ARSG: variants seen among roughly 807,000 people sequenced by gnomAD.
ARSG encodes the protein ASG.
ARSG carries 37 observed loss-of-function variants against 50.5 expected under a neutral mutation model. That is an observed-to-expected ratio of 0.73 (90% CI 0.56 to 0.96). The LOEUF is 0.96. ARSG is among the 50% of genes least tolerant of loss of function. The pLI is 0.00. For synonymous variants in ARSG, 225 were observed against 254.6 expected (o/e 0.88, Z 1.11); for missense variants, 629 against 675.3 (o/e 0.93, Z 0.76).
intron 4 of ARSG, among the ~76,000 whole-genome samples, chr17:68,350,031 T>A (rs2078688223): frequency 6.6e-6 from 1 of 152,048 alleles, no homozygotes; most frequent in African/African-American, 2.4e-5. Context: ...TAGGCTACAC[T>A]AGGAGAATGG....
intron 1 of ARSG, among the ~76,000 whole-genome samples, chr17:68,263,281 A>G (rs2075101902): frequency 6.6e-6 from 1 of 152,174 alleles, no homozygotes. Flanking sequence ...TTCCTTACTT[A>G]TGCAACGGCG....
In ARSG at chr17:68,271,158, A is replaced by G. The variant is rs781826132; in HGVS notation, c.-552+11732A>G. ...CGAAAACTTCTGCAATGGCCATCGTAGATAATAAAAAAGCAGCGCGGTCCT... is the reference window on the plus strand; with the variant it reads ...CGAAAACTTCTGCAATGGCCATCGTGGATAATAAAAAAGCAGCGCGGTCCT... On this transcript the variant is annotated intron_variant, in intron 1 of 11. Coordinates refer to the ARSG transcript ENST00000448504. This position sits in a 1 kb window ranked among gnomAD's most constrained non-coding sequence, Gnocchi z 5.3. The G allele has an allele frequency of 3.7e-6, 6 of 1,614,050 alleles. No homozygotes were observed. The South Asian group carries it at 5.5e-5, about 15-fold the overall frequency.
At chr17:68,349,453 C>T (rs745442121) in intron 4 of ARSG, among the ~76,000 whole-genome samples, 36 of 152,306 alleles carry the variant, frequency 2.4e-4, no homozygotes, top group Middle Eastern at 6.8e-3. Context: ...CTCTTTCCGG[C>T]AGAAGTTTGC....
intron 2 of ARSG, among the ~76,000 whole-genome samples, chr17:68,309,360 A>C (rs571710940): frequency 6.6e-6 from 1 of 152,236 alleles, no homozygotes; most frequent in Non-Finnish European, 1.5e-5. Flanking sequence ...GGGATCCTAC[A>C]GTGCAGCGGT....
chr17:68,271,432 T>C lies in ARSG; in HGVS notation c.-552+12006T>C. ...CACATTTTTAGGTGAGGTAGTTAGTTCTACTCCTGAGTCAATGGAGTCTAT... is the reference window on the plus strand; with the variant it reads ...CACATTTTTAGGTGAGGTAGTTAGTCCTACTCCTGAGTCAATGGAGTCTAT... On this transcript the variant is annotated intron_variant, in intron 1 of 11. Coordinates refer to the ARSG transcript ENST00000448504. This position sits in a 1 kb window ranked among gnomAD's most constrained non-coding sequence, Gnocchi z 5.3. The C allele has an allele frequency of 6.2e-7, 1 of 1,614,228 alleles. No individual in the cohort carries two copies.
In ARSG at chr17:68,385,195, A is replaced by G. The variant is rs78469606; in HGVS notation, c.1091+23A>G. ...AAGGTATGAGACCAAAACTACCTTG[A>G]GATGTTGGGGCCCAGAGCAAGAAAA... is the stretch of plus-strand genomic sequence containing the variant. On this transcript the variant is annotated intron_variant, in intron 9 of 11. Transcript: ENST00000621439. The G allele has an allele frequency of 1.2e-3, 1,923 of 1,604,970 alleles. 25 individuals are homozygous for G. In the African/African-American group the frequency reaches 0.023, roughly 19 times the overall value.
chr17:68,433,760 G>GTTGTTTTTTTT, the ARSG span, among the ~76,000 whole-genome samples: 1 of 72,814 alleles, frequency 1.4e-5, no homozygotes, highest in Admixed American at 1.8e-4. Flanking sequence ...AAGGGTCATA[G>GTTGTTTTTTTT]TTTTTTTTTT....
At chr17:68,410,774 A>AG (rs2081964220) in intron 11 of ARSG, among the ~76,000 whole-genome samples, 1 of 151,818 alleles carries the variant, frequency 6.6e-6, no homozygotes, top group Non-Finnish European at 1.5e-5. Context: ...TGGTTGGTAA[A>AG]CTATTGATTA....
Position 68,343,680 on chromosome 17 carries a change from C to T in ARSG, c.295C>T (p.Arg99Cys), listed in dbSNP as rs1179936871. The T allele has an allele frequency of 6.8e-6, 11 of 1,614,052 alleles. No homozygotes were observed. Among genetic ancestry groups the T allele is most frequent in the East Asian group, 4.5e-5 (2 of 44,892 alleles). The change falls in exon 3 of 12, where the codon CGC (arginine) becomes TGC (cysteine). Residue 99 changes from arginine (R) to cysteine (C), a missense_variant. Coordinates refer to ENST00000621439, the MANE Select transcript of ARSG (RefSeq NM_001267727.2). ...ASLLTGRLGLRNGVTRNFAVT... is the reference protein window; with the variant it reads ...ASLLTGRLGLCNGVTRNFAVT... ...CTTGCTCACCGGCCGGCTTGGCCTT[C>T]GCAATGGAGTCACACGCAACTTTGC...
At chr17:68,402,087 C>G (rs1056530429) in intron 11 of ARSG, among the ~76,000 whole-genome samples, 7 of 152,172 alleles carry the variant, frequency 4.6e-5, no homozygotes, top group Admixed American at 4.6e-4. Flanking sequence ...CCTTTATGGC[C>G]CAAGTCAAAT....
the ARSG span, among the ~76,000 whole-genome samples, chr17:68,433,027 C>G: frequency 6.6e-6 from 1 of 152,168 alleles, no homozygotes; most frequent in Non-Finnish European, 1.5e-5. Context: ...GCTTCCCAAG[C>G]GCTCAGTGGT....
chr17:68,324,736 T>C (rs2145907780), intron 2 of ARSG, among the ~76,000 whole-genome samples: 1 of 152,360 alleles, frequency 6.6e-6, no homozygotes, highest in East Asian at 1.9e-4. Context: ...CAGAGTGTTT[T>C]AAAAGTTAGA....
intron 2 of ARSG, among the ~76,000 whole-genome samples, chr17:68,330,184 T>G (rs1355318511): frequency 6.6e-6 from 1 of 151,188 alleles, no homozygotes; most frequent in African/African-American, 2.4e-5. Flanking sequence ...CACTCCAGCC[T>G]GGGTGGCAGA....
At chr17:68,375,233 G>C (rs1040268811) in intron 8 of ARSG, among the ~76,000 whole-genome samples, 1 of 152,182 alleles carries the variant, frequency 6.6e-6, no homozygotes, top group African/African-American at 2.4e-5. Flanking sequence ...ACCAAACTTT[G>C]AGAACCACCA....
the ARSG span, among the ~76,000 whole-genome samples, chr17:68,431,797 T>G: frequency 6.6e-6 from 1 of 152,248 alleles, no homozygotes; most frequent in Admixed American, 6.5e-5. Flanking sequence ...CAGAACAGCT[T>G]GGAGGTTCTG....
chr17:68,372,826 A>G (rs1305947157), intron 8 of ARSG, among the ~76,000 whole-genome samples: 1 of 150,892 alleles, frequency 6.6e-6, no homozygotes, highest in Non-Finnish European at 1.5e-5. Flanking sequence ...GTAGTTACCT[A>G]GAAACTGAAG....
intron 6 of ARSG, among the ~76,000 whole-genome samples, chr17:68,364,423 G>C (rs976910842): frequency 2.0e-5 from 3 of 152,070 alleles, no homozygotes; most frequent in Admixed American, 6.6e-5. Flanking sequence ...GCCTAGGCTG[G>C]AGTGCAGTGG....
chr17:68,365,594 G>C (rs1054662983), intron 6 of ARSG, among the ~76,000 whole-genome samples: 1 of 152,200 alleles, frequency 6.6e-6, no homozygotes, highest in Non-Finnish European at 1.5e-5. Flanking sequence ...TAATGGGTGA[G>C]AGTTTGGAAG....
At chr17:68,331,319 C>T (rs1001342813) in intron 2 of ARSG, among the ~76,000 whole-genome samples, 3 of 150,834 alleles carry the variant, frequency 2.0e-5, no homozygotes, top group African/African-American at 4.9e-5. Context: ...GGCACAATCT[C>T]GGCTCACTGA....
Sources: allele counts gnomAD v4.1 joint callset (sites outside exome capture counted in the v4.1 genomes callset), GRCh38; gene constraint gnomAD v4.1.1; non-coding constraint Gnocchi (gnomAD v3.1); transcripts MANE v1.5; gene names NCBI Gene and HGNC (gene_info 2026-07-23, HGNC 2026-07-21).